The following NOL10 variants were observed in gnomAD, a reference collection of about 807,000 sequenced individuals.
The protein encoded by NOL10 is nucleolar protein 10, also known as H_NH0074G24.1.
NOL10 carries 58 observed loss-of-function variants against 103.5 expected under a neutral mutation model. The observed-to-expected ratio is 0.56, with a 90% CI of 0.45 to 0.70. The LOEUF (loss-of-function observed/expected upper bound fraction) is 0.70, where lower values mean the gene tolerates loss of function less well. Among genes scored for constraint, NOL10 ranks in the 30% least tolerant of loss-of-function variants. The pLI is 0.00. For missense variants in NOL10, 763 were observed against 807.3 expected (o/e 0.95, Z 0.67); for synonymous variants, 287 against 282.5 (o/e 1.02, Z -0.16).
At chr2:10,670,532 C>G (rs753307049) in intron 6 of NOL10, among the ~76,000 whole-genome samples, 1 of 152,042 alleles carries the variant, frequency 6.6e-6, no homozygotes, top group Non-Finnish European at 1.5e-5. Flanking sequence ...GTCAGGAGTT[C>G]GAGACCAGCC....
intron 3 of NOL10, 45 bp from the exon 4 acceptor site, chr2:10,675,916 T>A (rs775948236): frequency 4.9e-6 from 5 of 1,018,064 alleles, no homozygotes; most frequent in Non-Finnish European, 7.3e-6. Flanking sequence ...CATACTTTCA[T>A]AGTCAAAACA....
chr2:10,607,095 A>T, intron 14 of NOL10, 90 bp downstream of exon 14: 1 of 816,580 alleles, frequency 1.2e-6, no homozygotes, highest in Non-Finnish European at 1.8e-6. Flanking sequence ...GATGAGGTAA[A>T]CATGGCTCAG....
At chr2:10,583,467 C>G (rs890127800) in intron 19 of NOL10, among the ~76,000 whole-genome samples, 2 of 152,160 alleles carry the variant, frequency 1.3e-5, no homozygotes, top group African/African-American at 4.8e-5. Flanking sequence ...TTCCTGGGCC[C>G]GATGGACACT....
At chr2:10,632,833 A>G (rs936550340) in intron 13 of NOL10, among the ~76,000 whole-genome samples, 4 of 152,184 alleles carry the variant, frequency 2.6e-5, no homozygotes, top group Admixed American at 2.0e-4. Flanking sequence ...ATTTTAAAAT[A>G]TTATTTAAAA....
chr2:10,617,537 C>G (rs1275849588), intron 13 of NOL10, among the ~76,000 whole-genome samples: 1 of 152,020 alleles, frequency 6.6e-6, no homozygotes, highest in Admixed American at 6.6e-5. Flanking sequence ...TTCCATAATT[C>G]CTAAATTATG....
intron 19 of NOL10, among the ~76,000 whole-genome samples, chr2:10,587,618 G>C: frequency 6.6e-6 from 1 of 151,808 alleles, no homozygotes; most frequent in Non-Finnish European, 1.5e-5. Context: ...CCTAGCCCTC[G>C]AGTTGTTCAA....
chr2:10,639,706 GATTAA>G (rs536668784), intron 13 of NOL10, among the ~76,000 whole-genome samples: 1 of 152,262 alleles, frequency 6.6e-6, no homozygotes, highest in Non-Finnish European at 1.5e-5. Context: ...ACTAACCTAA[GATTAA>G]ATTATGTTTC....
At chr2:10,628,854 CTT>C (rs1677653250) in intron 13 of NOL10, among the ~76,000 whole-genome samples, 1 of 152,184 alleles carries the variant, frequency 6.6e-6, no homozygotes, top group Non-Finnish European at 1.5e-5. Context: ...CCGAGTAACT[CTT>C]TTCTCAATTC....
chr2:10,670,193 A>G (rs981235286), intron 6 of NOL10, among the ~76,000 whole-genome samples: 4 of 152,224 alleles, frequency 2.6e-5, no homozygotes, highest in Admixed American at 1.3e-4. Flanking sequence ...AGCCAAAGAT[A>G]TCACTCCTAA....
intron 9 of NOL10, among the ~76,000 whole-genome samples, chr2:10,661,407 T>C (rs922786520): frequency 1.3e-5 from 2 of 151,714 alleles, no homozygotes; most frequent in Non-Finnish European, 2.9e-5. Flanking sequence ...AGTCTCACTC[T>C]GTTACCCAGG....
chr2:10,604,921 A>T (rs1676168063), intron 14 of NOL10: 1 of 152,242 alleles, frequency 6.6e-6, no homozygotes, highest in Non-Finnish European at 1.5e-5. Context: ...AAAGGCTCTA[A>T]GAAGTATGCG....
Position 10,659,240 on chromosome 2 carries a change from A to C in NOL10, c.688T>G (p.Leu230Val). 1 of 1,596,180 alleles carries C rather than the reference A, an allele frequency of 6.3e-7. No individual in the cohort carries two copies. The highest frequency in any genetic ancestry group is 8.5e-7 in the Non-Finnish European group (1 of 1,170,614). ...SVTADSEINS[L>V]PTISALKFNG... ...AATTTCAAAGCAGAGATTGTTGGTAAACTGTTTATCCTGAAAAGCAAAATA... is the reference window on the plus strand; with the variant it reads ...AATTTCAAAGCAGAGATTGTTGGTACACTGTTTATCCTGAAAAGCAAAATA... The change falls in exon 10 of 21, where the codon TTA (leucine) becomes GTA (valine). Residue 230 changes from leucine to valine, a missense_variant. Physicochemically the swap from Leu to Val is conservative, Grantham distance 32. Transcript: ENST00000381685.
chr2:10,654,920 C>A (rs541489141), intron 11 of NOL10, among the ~76,000 whole-genome samples: 2 of 151,964 alleles, frequency 1.3e-5, no homozygotes, highest in Non-Finnish European at 2.9e-5. Context: ...TGAAAGAAAT[C>A]GGAAGACAGC....
chr2:10,616,658 C>G (rs1234553462), intron 13 of NOL10, among the ~76,000 whole-genome samples: 1 of 152,108 alleles, frequency 6.6e-6, no homozygotes, highest in African/African-American at 2.4e-5. Context: ...AAGCAATCCT[C>G]CCACCTCAGC....
intron 19 of NOL10, among the ~76,000 whole-genome samples, chr2:10,585,433 A>G (rs1348272187): frequency 6.6e-6 from 1 of 152,256 alleles, no homozygotes; most frequent in Non-Finnish European, 1.5e-5. Flanking sequence ...AATTTCTTCC[A>G]ATTCTTGCAC....
chr2:10,597,560 C>T (rs1675759050), intron 17 of NOL10, among the ~76,000 whole-genome samples: 1 of 152,194 alleles, frequency 6.6e-6, no homozygotes, highest in African/African-American at 2.4e-5. Flanking sequence ...CTTCACTTTA[C>T]ATAAGATGAA....
rs1558311241 is a variant in NOL10, at chr2:10,638,324, TG to T, written c.1026+5995del. On this transcript the variant is annotated intron_variant, in intron 13 of 20. Coordinates refer to ENST00000381685, the MANE Select transcript of NOL10 (RefSeq NM_024894.4). Reference sequence around the variant, plus strand: ...TAACGTGACGTGACGTGACGTGACGTGACGTGACGTAACGTAACGTAACGTA... The same window carrying T: ...TAACGTGACGTGACGTGACGTGACGTACGTGACGTAACGTAACGTAACGTA... Among the ~76,000 whole-genome samples the T allele has an allele frequency of 6.6e-3, 858 of 129,322 alleles. 10 individuals carry two copies. Among genetic ancestry groups the T allele is most frequent in the African/African-American group, 0.031 (788 of 25,032 alleles). 84.8% of individuals were successfully genotyped at this position (129,322 alleles called of 152,430 possible).
chr2:10,633,746 A>G (rs893470268), intron 13 of NOL10, among the ~76,000 whole-genome samples: 4 of 151,996 alleles, frequency 2.6e-5, no homozygotes, highest in Admixed American at 2.6e-4. Context: ...GAAGGTTTTA[A>G]GCAGAAGAGT....
At chr2:10,668,525 C>A in intron 7 of NOL10, 133 bp downstream of exon 7, 2 of 408,152 alleles carry the variant, frequency 4.9e-6, no homozygotes, top group Admixed American at 4.0e-5. Context: ...AGAATAAATT[C>A]AACAGTACTT....
Sources: allele counts gnomAD v4.1 joint callset (sites outside exome capture counted in the v4.1 genomes callset), GRCh38; gene constraint gnomAD v4.1.1; transcripts MANE v1.5; gene names NCBI Gene and HGNC (gene_info 2026-07-23, HGNC 2026-07-21).